CNTN1: variants seen among roughly 807,000 people sequenced by gnomAD.
CNTN1 encodes contactin 1.
CNTN1 carries 38 observed loss-of-function variants against 126.4 expected under a neutral mutation model. The ratio of observed to expected loss-of-function variants is 0.30; its 90% CI spans 0.23 to 0.39. The LOEUF (loss-of-function observed/expected upper bound fraction) is 0.39. CNTN1 is among the 10% of genes least tolerant of loss of function. CNTN1 has a pLI of 1.00. For synonymous variants in CNTN1, 413 were observed against 422.6 expected, an observed-to-expected ratio of 0.98 and a Z score of 0.28; for missense variants, 1,009 against 1,248.4, an observed-to-expected ratio of 0.81 and a Z score of 2.89.
At chr12:40,867,169 A>G (rs574580443) in intron 1 of CNTN1, among the ~76,000 whole-genome samples, 1 of 152,288 alleles carries the variant, frequency 6.6e-6, no homozygotes, top group African/African-American at 2.4e-5. Context: ...ATCGTAAATC[A>G]CTGAATTCCA....
chr12:41,008,647 T>G (rs1427987680), intron 17 of CNTN1, among the ~76,000 whole-genome samples: 1 of 152,176 alleles, frequency 6.6e-6, no homozygotes, highest in Non-Finnish European at 1.5e-5. Context: ...TCCTTCTTTT[T>G]AAACAACCAA....
At chr12:40,773,392 C>T (rs572438584) in intron 1 of CNTN1, among the ~76,000 whole-genome samples, 3 of 151,520 alleles carry the variant, frequency 2.0e-5, no homozygotes, top group South Asian at 2.1e-4. Flanking sequence ...TTTTTCCATC[C>T]TTTCAAATTC....
At chr12:40,822,784 G>T (rs12308484) in intron 1 of CNTN1, among the ~76,000 whole-genome samples, 2 of 152,018 alleles carry the variant, frequency 1.3e-5, no homozygotes, top group African/African-American at 4.8e-5. Context: ...GGGCTACATG[G>T]ACAGGTTTAT....
chr12:40,863,926 T>TCCTTCCTCCCTC (rs760801289), intron 1 of CNTN1, among the ~76,000 whole-genome samples: 4 of 129,096 alleles, frequency 3.1e-5, no homozygotes, highest in Non-Finnish European at 4.7e-5. Context: ...CTTCCTTCCT[T>TCCTTCCTCCCTC]CCTCCCTCCC....
At chr12:40,801,669 G>C (rs570669365) in intron 1 of CNTN1, among the ~76,000 whole-genome samples, 2 of 151,854 alleles carry the variant, frequency 1.3e-5, no homozygotes, top group Admixed American at 1.3e-4. Context: ...GGTGAAGGAG[G>C]GGGAAAGAGA....
At chr12:40,919,930 G>A (rs10879361) in intron 4 of CNTN1, among the ~76,000 whole-genome samples, 18,881 of 152,050 alleles carry the variant, frequency 0.12, 1,226 homozygotes, top group African/African-American at 0.13. Context: ...CATTGACATG[G>A]AATAGTAGAA....
Position 40,704,939 on chromosome 12 carries a change from G to C in CNTN1, c.-77+12347G>C, listed in dbSNP as rs1941701024. Among the ~76,000 whole-genome samples, 3 of 152,164 alleles carry C rather than the reference G, an allele frequency of 2.0e-5. No individual in the cohort carries two copies. In the South Asian group the frequency reaches 6.2e-4, roughly 31 times the overall value. On this transcript the variant is annotated intron_variant, in intron 1 of 23. Transcript: ENST00000551295. ...TTAGTCATACTGAAATGTGCTCAGAGAATCATTGCTCAACATGTGAAAAGC... is the reference window on the plus strand; with the variant it reads ...TTAGTCATACTGAAATGTGCTCAGACAATCATTGCTCAACATGTGAAAAGC...
chr12:41,050,151 C>T (rs1041724383), intron 23 of CNTN1, among the ~76,000 whole-genome samples: 6 of 152,138 alleles, frequency 3.9e-5, no homozygotes, highest in African/African-American at 9.7e-5. Flanking sequence ...CCGCCTGCCT[C>T]GGCCTCCCAA....
At chr12:40,773,638 TATATATATATATATATACAC>T (rs1565715404) in intron 1 of CNTN1, among the ~76,000 whole-genome samples, 4 of 31,168 alleles carry the variant, frequency 1.3e-4, no homozygotes, top group African/African-American at 4.4e-4. Context: ...AAACTGTATA[TATATATATATATATATACAC>T]ATATATATAT....
chr12:40,935,773 T>C (rs1946058383), intron 9 of CNTN1, among the ~76,000 whole-genome samples: 1 of 152,086 alleles, frequency 6.6e-6, no homozygotes, highest in Non-Finnish European at 1.5e-5. Flanking sequence ...TTATATATGC[T>C]TTAAGATATA....
chr12:41,061,993 G>A, intron 23 of CNTN1: 1 of 227,404 alleles, frequency 4.4e-6, no homozygotes, highest in Non-Finnish European at 9.0e-6. Flanking sequence ...TAAGCAAGCT[G>A]ATACACAGAC....
intron 1 of CNTN1, among the ~76,000 whole-genome samples, chr12:40,904,801 C>A (rs902958950): frequency 6.6e-6 from 1 of 152,190 alleles, no homozygotes; most frequent in Non-Finnish European, 1.5e-5. Flanking sequence ...CCATTCATTT[C>A]ATCATTTATT....
rs148814495 is a variant in CNTN1 at position 41,059,774 on chromosome 12, G to A, written c.2981-10185G>A. Among the ~76,000 whole-genome samples, 15 of 152,184 alleles carry A rather than the reference G, an allele frequency of 9.9e-5. No individual in the cohort carries two copies. The East Asian group carries it at 2.5e-3, about 26-fold the overall frequency. On this transcript the variant is annotated intron_variant, in intron 23 of 23. Coordinates refer to ENST00000551295, the MANE Select transcript of CNTN1 (RefSeq NM_001843.4). ...GTGCAGTGGCCTGAGCCTGTAATCCGAGTACTTTGCAGGGTCGAGGTGAGA... is the reference window on the plus strand; with the variant it reads ...GTGCAGTGGCCTGAGCCTGTAATCCAAGTACTTTGCAGGGTCGAGGTGAGA...
intron 17 of CNTN1, among the ~76,000 whole-genome samples, chr12:41,005,317 T>G (rs1270791166): frequency 6.6e-6 from 1 of 152,218 alleles, no homozygotes; most frequent in Non-Finnish European, 1.5e-5. Context: ...TCTGATTGGC[T>G]TCCTTTGTAG....
chr12:40,877,051 G>T (rs1390789284), intron 1 of CNTN1, among the ~76,000 whole-genome samples: 3 of 151,994 alleles, frequency 2.0e-5, no homozygotes, highest in South Asian at 4.2e-4. Flanking sequence ...ACTGAATTTC[G>T]CCAAAATAAT....
intron 1 of CNTN1, among the ~76,000 whole-genome samples, chr12:40,887,049 A>G (rs1424636011): frequency 2.6e-5 from 4 of 152,162 alleles, no homozygotes; most frequent in African/African-American, 9.6e-5. Flanking sequence ...TTGGCAATGC[A>G]GGCTCTTTTT....
chr12:40,899,848 T>G (rs530041111), intron 1 of CNTN1, among the ~76,000 whole-genome samples: 1 of 152,314 alleles, frequency 6.6e-6, no homozygotes, highest in African/African-American at 2.4e-5. Context: ...AAACACTGAC[T>G]TATTGTTATG....
intron 23 of CNTN1, among the ~76,000 whole-genome samples, chr12:41,054,906 G>C (rs187801344): frequency 1.3e-5 from 2 of 152,196 alleles, no homozygotes; most frequent in East Asian, 3.9e-4. Context: ...TATGTCATTT[G>C]TGGTTTATCG....
intron 1 of CNTN1, among the ~76,000 whole-genome samples, chr12:40,889,666 C>G (rs1048905974): frequency 6.6e-6 from 1 of 151,930 alleles, no homozygotes; most frequent in African/African-American, 2.4e-5. Flanking sequence ...TGGTATAAAT[C>G]TCAATGTATT....
Sources: allele counts gnomAD v4.1 joint callset (sites outside exome capture counted in the v4.1 genomes callset), GRCh38; gene constraint gnomAD v4.1.1; transcripts MANE v1.5; gene names NCBI Gene and HGNC (gene_info 2026-07-23, HGNC 2026-07-21).